The following FBXO10 variants were observed in gnomAD, a reference collection of about 807,000 sequenced individuals.
FBXO10 encodes F-box only protein 10.
A neutral mutation model predicts 80.7 loss-of-function variants in FBXO10; 39 were observed. That is an observed-to-expected ratio of 0.48 (90% CI 0.37 to 0.63). The LOEUF (loss-of-function observed/expected upper bound fraction) is 0.63, where lower values mean the gene tolerates loss of function less well. FBXO10 is among the 30% of genes least tolerant of loss of function. FBXO10 has a pLI of 0.00. For synonymous variants in FBXO10, 449 were observed against 489.6 expected, an observed-to-expected ratio of 0.92 and a Z score of 1.09; for missense variants, 1,025 against 1,269.0, an observed-to-expected ratio of 0.81 and a Z score of 2.92.
chr9:37,537,819 T>C lies in FBXO10; in HGVS notation c.710A>G (p.Asn237Ser), dbSNP rs61731259. 33 of 1,613,938 alleles carry C rather than the reference T, an allele frequency of 2.0e-5. No individual in the cohort carries two copies. The African/African-American group carries it at 4.0e-4, about 20-fold the overall frequency. ...TFKNTHIFLH[N>S]VPLCVLENCE... ...GTTTTCCAGGACACACAGGGGCACG[T>C]TGTGCAGGAAGATATGGGTGTTTTT... Residue 237 changes from asparagine to serine, a missense_variant, in exon 3 of 11, where the codon AAC becomes AGC. Asn to Ser is a conservative substitution (Grantham distance 46, BLOSUM62 1). Transcript: ENST00000432825.
intron 1 of FBXO10, among the ~76,000 whole-genome samples, chr9:37,556,689 G>A (rs1263380549): frequency 6.6e-6 from 1 of 151,858 alleles, no homozygotes; most frequent in African/African-American, 2.4e-5. Context: ...GATTACAGGT[G>A]TGTGCCGCCA....
chr9:37,535,717 T>C (rs1821745228), intron 3 of FBXO10, among the ~76,000 whole-genome samples: 1 of 152,076 alleles, frequency 6.6e-6, no homozygotes, highest in Non-Finnish European at 1.5e-5. Context: ...TTTACCCTCC[T>C]GGGATGTTCT....
chr9:37,524,413 T>C (rs1357041423), intron 6 of FBXO10, among the ~76,000 whole-genome samples: 1 of 152,260 alleles, frequency 6.6e-6, no homozygotes, highest in Non-Finnish European at 1.5e-5. Context: ...TTGTAGCTCC[T>C]GGAACACGGC....
intron 1 of FBXO10, among the ~76,000 whole-genome samples, chr9:37,559,913 T>C (rs1822434903): frequency 6.6e-6 from 1 of 152,180 alleles, no homozygotes; most frequent in African/African-American, 2.4e-5. Flanking sequence ...AACTTGCAGA[T>C]TGTTTGTTAC....
At chr9:37,563,143 C>T (rs1822523011) in intron 1 of FBXO10, among the ~76,000 whole-genome samples, 1 of 152,132 alleles carries the variant, frequency 6.6e-6, no homozygotes, top group African/African-American at 2.4e-5. Flanking sequence ...CTGGCATTTC[C>T]CCTGCTTGCA....
At chr9:37,520,310 C>A (rs1416376327) in intron 8 of FBXO10, among the ~76,000 whole-genome samples, 1 of 141,944 alleles carries the variant, frequency 7.0e-6, no homozygotes, top group Non-Finnish European at 1.5e-5. Context: ...CATCTTCTAC[C>A]ATCTTTTTTT....
At chr9:37,518,970 C>T (rs942590003) in intron 8 of FBXO10, among the ~76,000 whole-genome samples, 13 of 149,308 alleles carry the variant, frequency 8.7e-5, no homozygotes, top group Admixed American at 2.7e-4. Flanking sequence ...AGTGCGGTGG[C>T]GCCATCTCGG....
In FBXO10 at chr9:37,512,393, T is replaced by C. The variant is rs1821078244; in HGVS notation, c.*154A>G. 2 of 646,504 alleles carry C rather than the reference T, an allele frequency of 3.1e-6. No homozygotes were observed. The highest frequency in any genetic ancestry group is 5.6e-5 in the South Asian group (2 of 35,992). 40.0% of individuals were successfully genotyped at this position (646,504 alleles called of 1,614,324 possible). On this transcript the variant is annotated 3_prime_UTR_variant, in exon 11 of 11. Coordinates refer to ENST00000432825, the MANE Select transcript of FBXO10 (RefSeq NM_012166.3). ...CCCACTTTCTTCTTGCTATGGGCTG[T>C]GGAGCTGAAGTGTTCTGGAGGTACC...
chr9:37,515,269 G>A (rs1486362833), intron 10 of FBXO10: 1 of 152,680 alleles, frequency 6.5e-6, no homozygotes. Flanking sequence ...AGGTTAGGGT[G>A]AGCGGTGCTG....
At chr9:37,554,033 T>C (rs1029434019) in intron 1 of FBXO10, among the ~76,000 whole-genome samples, 2 of 152,164 alleles carry the variant, frequency 1.3e-5, no homozygotes, top group Non-Finnish European at 2.9e-5. Context: ...CATGGTGACA[T>C]TGATATAGTC....
rs766093246 is a variant in FBXO10, at chr9:37,512,365, T to C, written c.*182A>G. 2 of 524,738 alleles carry C rather than the reference T, an allele frequency of 3.8e-6. No homozygotes were observed. Among genetic ancestry groups the C allele is most frequent in the East Asian group, 3.1e-5 (1 of 31,942 alleles). The allele number at this position is 524,738 out of a possible 1,614,324, so 32.5% of individuals were successfully genotyped here. On this transcript the variant is annotated 3_prime_UTR_variant, in exon 11 of 11. Coordinates refer to ENST00000432825, the MANE Select transcript of FBXO10 (RefSeq NM_012166.3). ...TTCTATCCCTTCTCCCTGAAAAACA[T>C]TGCCCACTTTCTTCTTGCTATGGGC...
chr9:37,525,283 A>C (rs1164354226), intron 5 of FBXO10, 111 bp from the exon 6 acceptor site: 2 of 1,071,838 alleles, frequency 1.9e-6, no homozygotes. Context: ...AATACAAAAA[A>C]ATTAGCCGGG....
intron 1 of FBXO10, among the ~76,000 whole-genome samples, chr9:37,572,835 A>C (rs1205155863): frequency 1.3e-5 from 2 of 152,220 alleles, no homozygotes; most frequent in African/African-American, 4.8e-5. Flanking sequence ...GCTGTATTTC[A>C]TATTCAAAAA....
chr9:37,537,474 T>C lies in FBXO10; in HGVS notation c.1055A>G (p.Asp352Gly). The C allele has an allele frequency of 6.2e-7, 1 of 1,608,146 alleles. No individual in the cohort carries two copies. Among genetic ancestry groups the C allele is most frequent in the Non-Finnish European group, 8.5e-7 (1 of 1,177,366 alleles). The change falls in exon 3 of 11, where the codon GAC (aspartate) becomes GGC (glycine). Residue 352 changes from aspartate (D) to glycine (G), a missense_variant. Transcript: ENST00000432825. ...GGGACTCAGGCCTCCATCGCTGCTG[T>C]CCGGGGTCTGGGCCACCCTTTCACC... ...SDGERVAQTP[D>G]SSDGGLSPSG...
intron 8 of FBXO10, among the ~76,000 whole-genome samples, chr9:37,520,577 G>A (rs574783587): frequency 3.2e-4 from 46 of 145,510 alleles, no homozygotes; most frequent in African/African-American, 1.0e-3. Context: ...TTGCCCAGGC[G>A]GGTCTTGAAC....
chr9:37,541,360 A>G lies in FBXO10; in HGVS notation c.409T>C (p.Phe137Leu), dbSNP rs767220486. ...MASLYDRIVL[F>L]PGVYEEQGEI... ...CCTTGCTCTTCGTACACACCTGGGA[A>G]GAGCACAATTCGGTCATACAGGCTG... The change falls in exon 2 of 11, where the codon TTC (phenylalanine) becomes CTC (leucine). Residue 137 changes from phenylalanine (F) to leucine (L), a missense_variant. Physicochemically the swap from Phe to Leu is conservative, Grantham distance 22 (BLOSUM62 0). Transcript: ENST00000432825. 3 of 1,613,904 alleles carry G rather than the reference A, an allele frequency of 1.9e-6. No individual in the cohort carries two copies. Among genetic ancestry groups the G allele is most frequent in the Admixed American group, 3.3e-5 (2 of 60,004 alleles).
At chr9:37,540,744 G>T (rs1053497602) in intron 2 of FBXO10, among the ~76,000 whole-genome samples, 2 of 152,168 alleles carry the variant, frequency 1.3e-5, no homozygotes, top group African/African-American at 4.8e-5. Flanking sequence ...ATCCCACACA[G>T]GGTGGGGTTC....
chr9:37,512,565 G>A lies in FBXO10; in HGVS notation c.2853C>T (p.Val951=), dbSNP rs972654013. The change falls in exon 11 of 11, where the codon GTC becomes GTT. Residue 951 remains valine (V), a synonymous_variant. Coordinates refer to ENST00000432825, the MANE Select transcript of FBXO10 (RefSeq NM_012166.3). ...VEGGYHSNRS[V]FCTIL ...TGTGTCCTCACAGGATGGTGCAGAA[G>A]ACACTGCGGTTGCTGTGGTAACCAC... 1.9e-6 allele frequency: 3 copies of A among 1,613,884 alleles called. No individual in the cohort carries two copies. Among genetic ancestry groups the A allele is most frequent in the Non-Finnish European group, 8.5e-7 (1 of 1,179,822 alleles).
intron 1 of FBXO10, among the ~76,000 whole-genome samples, chr9:37,546,830 G>A (rs574465891): frequency 6.6e-5 from 10 of 151,906 alleles, no homozygotes; most frequent in South Asian, 2.1e-4. Context: ...GCAGGCGTGC[G>A]CCACCACGCC....
Sources: gnomAD v4.1 joint callset for allele counts (sites outside exome capture counted in the v4.1 genomes callset) on GRCh38, gnomAD v4.1.1 for gene constraint, MANE v1.5 for transcripts, NCBI Gene and HGNC (gene_info 2026-07-23, HGNC 2026-07-21) for gene names.